Variants in TAFA1 observed in about 807,000 individuals in gnomAD.
TAFA1 encodes the protein chemokine-like protein TAFA-1.
Under a neutral mutation model 18.5 loss-of-function variants are expected in TAFA1, and 4 were observed. The observed-to-expected ratio is 0.22, with a 90% CI of 0.11 to 0.49. The LOEUF (loss-of-function observed/expected upper bound fraction) is 0.49, where lower values mean the gene tolerates loss of function less well. TAFA1 is among the 20% of genes least tolerant of loss of function. TAFA1 has a pLI of 0.98. For synonymous variants in TAFA1, 56 were observed against 55.2 expected (o/e 1.01, Z -0.06); for missense variants, 147 against 169.0 (o/e 0.87, Z 0.72).
chr3:68,042,598 A>C (rs1455798532), intron 2 of TAFA1, among the ~76,000 whole-genome samples: 1 of 152,192 alleles, frequency 6.6e-6, no homozygotes, highest in Non-Finnish European at 1.5e-5. Context: ...GCAGTGAGCC[A>C]AGGTTGTGCC....
intron 2 of TAFA1, among the ~76,000 whole-genome samples, chr3:68,242,584 GT>G: frequency 6.6e-6 from 1 of 152,158 alleles, no homozygotes; most frequent in East Asian, 1.9e-4. Context: ...ACATCACCTA[GT>G]TTAATTGCCA....
chr3:68,285,551 G>A (rs1241855091), intron 2 of TAFA1, among the ~76,000 whole-genome samples: 1 of 151,922 alleles, frequency 6.6e-6, no homozygotes, highest in Non-Finnish European at 1.5e-5. Context: ...TTAATATAAG[G>A]TAAGATGTAC....
chr3:68,178,148 T>TC lies in TAFA1; in HGVS notation c.118+171408dup, dbSNP rs571776874. On this transcript the variant is annotated intron_variant, in intron 2 of 4. Transcript: ENST00000478136. ...GAGAGTGCGAGACTCCATCCCCCCC[T>TC]CCCCAAAAAAAAATACATGACCCTG... Among the ~76,000 whole-genome samples the TC allele has an allele frequency of 9.7e-4, 137 of 141,938 alleles. No individual in the cohort carries two copies. The East Asian group carries it at 0.011, about 11-fold the overall frequency. 93.1% of individuals were successfully genotyped at this position (141,938 alleles called of 152,430 possible).
intron 2 of TAFA1, among the ~76,000 whole-genome samples, chr3:68,397,277 C>T (rs189692077): frequency 6.6e-6 from 1 of 152,082 alleles, no homozygotes; most frequent in African/African-American, 2.4e-5. Context: ...GTCCCGCATG[C>T]GTTAGGTATT....
At chr3:68,535,603 C>A (rs1346499074) in intron 3 of TAFA1, among the ~76,000 whole-genome samples, 1 of 152,090 alleles carries the variant, frequency 6.6e-6, no homozygotes, top group East Asian at 1.9e-4. Context: ...TTAAATATGG[C>A]AAAATTACCC....
chr3:68,237,213 C>G (rs574236164), intron 2 of TAFA1, among the ~76,000 whole-genome samples: 3 of 152,244 alleles, frequency 2.0e-5, no homozygotes, highest in Admixed American at 6.5e-5. Context: ...CCTTCTGGTT[C>G]ACAGATGGTG....
At chr3:68,107,633 G>A (rs536187984) in intron 2 of TAFA1, among the ~76,000 whole-genome samples, 4 of 152,100 alleles carry the variant, frequency 2.6e-5, no homozygotes, top group Admixed American at 6.6e-5. Context: ...ACTGTCAAGC[G>A]AGCTATAGTT....
intron 2 of TAFA1, among the ~76,000 whole-genome samples, chr3:68,019,028 G>A (rs867647547): frequency 6.6e-6 from 1 of 152,188 alleles, no homozygotes; most frequent in Non-Finnish European, 1.5e-5. Context: ...GGAAAACTTA[G>A]GTTGTGTAAC....
At chr3:68,386,530 A>T (rs999319148) in intron 2 of TAFA1, among the ~76,000 whole-genome samples, 2 of 152,152 alleles carry the variant, frequency 1.3e-5, no homozygotes. Context: ...TGCTATGCAC[A>T]TGATCTAGCC....
At chr3:67,997,229 C>T in the TAFA1 span, among the ~76,000 whole-genome samples, 1 of 152,220 alleles carries the variant, frequency 6.6e-6, no homozygotes, top group East Asian at 1.9e-4. Flanking sequence ...ATCTTAATTA[C>T]ACCAAATAAA....
chr3:68,336,216 C>T (rs1360779567), intron 2 of TAFA1, among the ~76,000 whole-genome samples: 2 of 152,226 alleles, frequency 1.3e-5, no homozygotes, highest in Non-Finnish European at 1.5e-5. Context: ...GGGGTCCTCT[C>T]ATTGCATGCA....
At chr3:68,387,639 G>C (rs1331240325) in intron 2 of TAFA1, among the ~76,000 whole-genome samples, 1 of 152,106 alleles carries the variant, frequency 6.6e-6, no homozygotes, top group Non-Finnish European at 1.5e-5. Context: ...TATTTTCCCA[G>C]ATTTTCTGTT....
chr3:68,026,856 T>G (rs1011819570), intron 2 of TAFA1, among the ~76,000 whole-genome samples: 2 of 152,116 alleles, frequency 1.3e-5, no homozygotes, highest in African/African-American at 4.8e-5. Context: ...GCCTGGATAA[T>G]TTATATAGGA....
chr3:68,300,388 GAGAACAA>G (rs2068281215), intron 2 of TAFA1, among the ~76,000 whole-genome samples: 2 of 152,030 alleles, frequency 1.3e-5, no homozygotes, highest in Non-Finnish European at 2.9e-5. Context: ...AGCCAAATGT[GAGAACAA>G]ATGGAAAAAG....
At chr3:68,260,379 G>T (rs2067390496) in intron 2 of TAFA1, among the ~76,000 whole-genome samples, 1 of 152,066 alleles carries the variant, frequency 6.6e-6, no homozygotes, top group South Asian at 2.1e-4. Context: ...TGTTCATCAA[G>T]GATATTGGTC....
chr3:68,062,373 G>T (rs548215842), intron 2 of TAFA1, among the ~76,000 whole-genome samples: 1 of 152,304 alleles, frequency 6.6e-6, no homozygotes, highest in African/African-American at 2.4e-5. Context: ...ATCTTTCAAA[G>T]AGATGCCACA....
At chr3:68,020,249 A>G (rs768774600) in intron 2 of TAFA1, among the ~76,000 whole-genome samples, 6 of 152,100 alleles carry the variant, frequency 3.9e-5, no homozygotes, top group Non-Finnish European at 5.9e-5. Context: ...AACTGCCTTC[A>G]CCCTCTTTGC....
At chr3:68,128,266 A>G (rs1327560359) in intron 2 of TAFA1, among the ~76,000 whole-genome samples, 3 of 152,144 alleles carry the variant, frequency 2.0e-5, no homozygotes, top group Non-Finnish European at 4.4e-5. Flanking sequence ...TAAACTCATC[A>G]TGATTAGAGG....
At chr3:68,413,251 T>A (rs2070749674) in intron 2 of TAFA1, among the ~76,000 whole-genome samples, 1 of 152,356 alleles carries the variant, frequency 6.6e-6, no homozygotes, top group Non-Finnish European at 1.5e-5. Context: ...TAAATTTGTT[T>A]GAGTTCATTG....
Sources: allele counts gnomAD v4.1 joint callset (sites outside exome capture counted in the v4.1 genomes callset), GRCh38; gene constraint gnomAD v4.1.1; transcripts MANE v1.5; gene names NCBI Gene and HGNC (gene_info 2026-07-23, HGNC 2026-07-21).